Variants in TUT4 observed in about 807,000 individuals in gnomAD.
TUT4 encodes the protein terminal uridylyltransferase 4.
TUT4 carries 36 observed loss-of-function variants against 192.2 expected under a neutral mutation model. That is an observed-to-expected ratio of 0.19 (90% confidence interval 0.14 to 0.25). The LOEUF (loss-of-function observed/expected upper bound fraction) is 0.25. Among genes scored for constraint, TUT4 ranks in the 10% least tolerant of loss-of-function variants. The pLI, the probability that TUT4 is intolerant of heterozygous loss-of-function variation, is 1.00. For missense variants in TUT4, 1,493 were observed against 1,957.2 expected (o/e 0.76, Z 4.47); for synonymous variants, 618 against 666.0 (o/e 0.93, Z 1.11).
chr1:52,461,970 C>A, intron 16 of TUT4: 1 of 399,130 alleles, frequency 2.5e-6, no homozygotes, highest in Non-Finnish European at 4.5e-6. Flanking sequence ...TCTGAGGACC[C>A]TCCCCAGTCT....
chr1:52,472,099 G>A lies in TUT4; in HGVS notation c.2731C>T (p.Pro911Ser). 1.2e-6 allele frequency: 2 copies of A among 1,612,568 alleles called. No homozygotes were observed. The highest frequency in any genetic ancestry group is 1.1e-5 in the South Asian group (1 of 90,712). Reference protein sequence around the residue: ...DKFILTSGKPPTIVCSICKKD... With the variant: ...DKFILTSGKPSTIVCSICKKD... ...TTGCAGATGCTGCATACTATCGTTG[G>A]TGGCTACACAAAGATAAAAAGAAAT... The change falls in exon 14 of 30, where the codon CCA becomes TCA. Residue 911 changes from proline to serine, a missense_variant. By Grantham distance (74) the Pro-to-Ser change is moderately conservative. Transcript: ENST00000257177.
At chr1:52,500,491 G>A (rs959398226) in intron 4 of TUT4, among the ~76,000 whole-genome samples, 2 of 152,074 alleles carry the variant, frequency 1.3e-5, no homozygotes, top group Non-Finnish European at 2.9e-5. Flanking sequence ...GGCCAGGCAC[G>A]GTGGCTCACG....
intron 3 of TUT4, among the ~76,000 whole-genome samples, chr1:52,512,400 C>T (rs999982663): frequency 2.6e-5 from 4 of 152,162 alleles, no homozygotes; most frequent in Admixed American, 6.5e-5. Flanking sequence ...TCCCATTTTA[C>T]TGATGAGTAA....
chr1:52,458,500 G>A (rs754744833), intron 19 of TUT4, 51 bp from the exon 20 acceptor site: 3 of 1,380,750 alleles, frequency 2.2e-6, no homozygotes, highest in Non-Finnish European at 3.1e-6. Flanking sequence ...ACTCCATGCA[G>A]AAGTATATTA....
chr1:52,431,462 T>TTCCG lies in TUT4; in HGVS notation c.4264-3_4264-2insCGGA, dbSNP rs1652027077. 6.6e-7 allele frequency: 1 copy of TTCCG among 1,519,048 alleles called. No individual in the cohort carries two copies. Among genetic ancestry groups the TTCCG allele is most frequent in the African/African-American group, 1.4e-5 (1 of 71,262 alleles). The allele number at this position is 1,519,048 out of a possible 1,614,324, so 94.1% of individuals were successfully genotyped here. A position where few individuals can be genotyped will look rare whatever the true frequency, so the allele number is the denominator to read the frequency against. On this transcript the variant is annotated splice_region_variant and splice_polypyrimidine_tract_variant and intron_variant, in intron 27 of 29. Coordinates refer to ENST00000257177, the MANE Select transcript of TUT4 (RefSeq NM_001009881.3). ...AGGAGAATAAGATGGTGATTCAGAC[T>TTCCG]GCAGACAAAAAAAAAATTTTTTTTA...
At chr1:52,525,463 A>C in intron 2 of TUT4, 100 bp downstream of exon 2, 1 of 1,428,218 alleles carries the variant, frequency 7.0e-7, no homozygotes, top group Non-Finnish European at 9.3e-7. Flanking sequence ...AAAGTGCTAA[A>C]CAATTATGTA....
In TUT4 at chr1:52,461,119, T is replaced by G; in HGVS notation, c.3321+15A>C. On this transcript the variant is annotated intron_variant, in intron 19 of 29. Transcript: ENST00000257177. ...TATCATGAACAAAGCAGATCATTAA[T>G]TTTTTCATAAATACCTTAGCAAACA... 1 of 1,547,902 alleles carries G rather than the reference T, an allele frequency of 6.5e-7. No individual in the cohort carries two copies. Among genetic ancestry groups the G allele is most frequent in the Non-Finnish European group, 8.7e-7 (1 of 1,143,484 alleles).
Position 52,445,776 on chromosome 1 carries a change from T to G in TUT4, c.3822+11A>C. On this transcript the variant is annotated intron_variant, in intron 24 of 29. Coordinates refer to ENST00000257177, the MANE Select transcript of TUT4 (RefSeq NM_001009881.3). ...AAGAAAAGATTCACAATTCATATAA[T>G]GTAAACTTACAGCTTCTCTGCCAAT... 6.3e-7 allele frequency: 1 copy of G among 1,582,352 alleles called. No individual in the cohort carries two copies. Among genetic ancestry groups the G allele is most frequent in the Non-Finnish European group, 8.6e-7 (1 of 1,159,204 alleles).
chr1:52,492,369 C>A (rs112985212), intron 7 of TUT4, among the ~76,000 whole-genome samples: 1 of 152,016 alleles, frequency 6.6e-6, no homozygotes, highest in Non-Finnish European at 1.5e-5. Flanking sequence ...CTCTTCTAAC[C>A]CAAATTGCAA....
chr1:52,475,017 T>C lies in TUT4; in HGVS notation c.2542A>G (p.Thr848Ala). ...AAATTTGACCTGCAGTCTGTTCCAG[T>C]AGATTTATCTGGGTCAGGCGACTTA... is the stretch of plus-strand genomic sequence containing the variant. ...LSKSPDPDKS[T>A]GTDCRSNLET... is the part of the protein sequence containing the mutation. The change falls in exon 13 of 30, where the codon ACT (threonine) becomes GCT (alanine). Residue 848 changes from threonine to alanine, a missense_variant. Thr to Ala is a moderately conservative substitution (Grantham distance 58). Around this residue, in one of 7 missense-constraint regions of TUT4, gnomAD observed 245 missense variants for 218.4 expected, o/e 1.12. Coordinates refer to ENST00000257177, the MANE Select transcript of TUT4 (RefSeq NM_001009881.3). 2 of 1,614,234 alleles carry C rather than the reference T, an allele frequency of 1.2e-6. No homozygotes were observed. The highest frequency in any genetic ancestry group is 1.1e-5 in the South Asian group (1 of 91,086).
At chr1:52,524,944 CTTTCTGCTCCAGCCGTACTAAG>C (rs1230975324) in intron 2 of TUT4, among the ~76,000 whole-genome samples, 8 of 152,350 alleles carry the variant, frequency 5.3e-5, no homozygotes, top group Non-Finnish European at 7.3e-5. Flanking sequence ...TCAACCTCAA[CTTTCTGCTCCAGCCGTACTAAG>C]TCTCAGTAAT....
Position 52,423,795 on chromosome 1 carries a change from G to A in TUT4, c.*140C>T. ...TAAACGTGTTAAAATTTTAAATCAGGACCTGATTTGTTTTGCTTTCCATTA... is the reference window on the plus strand; with the variant it reads ...TAAACGTGTTAAAATTTTAAATCAGAACCTGATTTGTTTTGCTTTCCATTA... On this transcript the variant is annotated 3_prime_UTR_variant, in exon 30 of 30. Transcript: ENST00000257177. 1 of 1,540,018 alleles carries A rather than the reference G, an allele frequency of 6.5e-7. No homozygotes were observed. Among genetic ancestry groups the A allele is most frequent in the Non-Finnish European group, 8.7e-7 (1 of 1,143,030 alleles).
intron 19 of TUT4, among the ~76,000 whole-genome samples, chr1:52,460,129 T>A (rs57947555): frequency 7.9e-5 from 12 of 152,130 alleles, no homozygotes; most frequent in Non-Finnish European, 1.5e-4. Context: ...AAGTCTTGTA[T>A]GTAGTATGTG....
At chr1:52,526,670 A>C (rs1345310374) in intron 1 of TUT4, among the ~76,000 whole-genome samples, 6 of 152,194 alleles carry the variant, frequency 3.9e-5, no homozygotes, top group Admixed American at 2.6e-4. Flanking sequence ...TAGAAAACTA[A>C]AACTTGCAAT....
At chr1:52,514,277 C>G (rs1678092881) in intron 3 of TUT4, among the ~76,000 whole-genome samples, 1 of 152,100 alleles carries the variant, frequency 6.6e-6, no homozygotes, top group African/African-American at 2.4e-5. Context: ...CCCGTCTCTA[C>G]TAAAAATACA....
At chr1:52,492,371 A>G (rs969302123) in intron 7 of TUT4, among the ~76,000 whole-genome samples, 3 of 152,212 alleles carry the variant, frequency 2.0e-5, no homozygotes, top group African/African-American at 7.2e-5. Flanking sequence ...CTTCTAACCC[A>G]AATTGCAAAT....
At chr1:52,446,479 T>A (rs1411168891) in intron 21 of TUT4, 37 bp from the exon 22 acceptor site, 36 of 1,571,504 alleles carry the variant, frequency 2.3e-5, no homozygotes, top group Non-Finnish European at 2.8e-5. Flanking sequence ...ACAATGTCTA[T>A]ACAGTACTAT....
chr1:52,479,023 G>A (rs1285466921), intron 11 of TUT4, among the ~76,000 whole-genome samples: 2 of 152,114 alleles, frequency 1.3e-5, no homozygotes, highest in African/African-American at 4.8e-5. Context: ...ACGCTAAAAA[G>A]GATGGGAGTG....
At position 52,465,163 on chromosome 1, in the gene TUT4, C is replaced by A; in HGVS notation, c.2976G>T (p.Arg992Ser). Residue 992 changes from arginine to serine, a missense_variant, in exon 16 of 30, where the codon AGG (arginine) becomes AGT (serine). By Grantham distance (110) the Arg-to-Ser change is moderately radical. This residue lies in a region of TUT4 where 59 missense variants were observed against 114.3 expected (regional missense o/e 0.52). Coordinates refer to ENST00000257177, the MANE Select transcript of TUT4 (RefSeq NM_001009881.3). ...FIQKEYDEKARLCLFGSSKNG... is the reference protein window; with the variant it reads ...FIQKEYDEKASLCLFGSSKNG... ...TCTTAGAAGAGCCAAATAAGCACAA[C>A]CTTGCCTTTTCTAAGCAAAGGAAAA... The A allele has an allele frequency of 6.2e-7, 1 of 1,613,046 alleles. No homozygotes were observed. Among genetic ancestry groups the A allele is most frequent in the South Asian group, 1.1e-5 (1 of 90,902 alleles).
Sources: gnomAD v4.1 joint callset for allele counts (sites outside exome capture counted in the v4.1 genomes callset) on GRCh38, gnomAD v4.1.1 for gene constraint, gnomAD v4.1.1 regional missense constraint, MANE v1.5 for transcripts, NCBI Gene and HGNC (gene_info 2026-07-23, HGNC 2026-07-21) for gene names.